The following ACTR3C variants were observed in gnomAD, a reference collection of about 807,000 sequenced individuals.
ACTR3C encodes the protein actin related protein 3C.
A neutral mutation model predicts 26.3 loss-of-function variants in ACTR3C; 18 were observed. The ratio of observed to expected loss-of-function variants is 0.68; its 90% CI spans 0.47 to 1.01. ACTR3C has a LOEUF of 1.01. Among genes scored for constraint, ACTR3C ranks in the 50% least tolerant of loss-of-function variants. The pLI is 0.00. For synonymous variants in ACTR3C, 55 were observed against 94.5 expected (o/e 0.58, Z 2.42); for missense variants, 184 against 250.7 (o/e 0.73, Z 1.80).
At chr7:150,107,048 G>A in the ACTR3C span, among the ~76,000 whole-genome samples, 1 of 144,918 alleles carries the variant, frequency 6.9e-6, no homozygotes, top group Non-Finnish European at 1.5e-5. Flanking sequence ...TGGTTGACCT[G>A]TTATCTACAC....
the ACTR3C span, among the ~76,000 whole-genome samples, chr7:150,236,135 T>C: frequency 6.6e-6 from 1 of 152,244 alleles, no homozygotes; most frequent in Admixed American, 6.5e-5. Flanking sequence ...TTAATGCAAC[T>C]AAAATGTTGC....
the ACTR3C span, among the ~76,000 whole-genome samples, chr7:149,961,237 A>AG: frequency 2.0e-5 from 3 of 151,708 alleles, no homozygotes; most frequent in Non-Finnish European, 2.9e-5. Context: ...GCACAGAGGA[A>AG]GGGGGGCTCA....
chr7:150,076,776 T>C, the ACTR3C span: 1 of 152,228 alleles, frequency 6.6e-6, no homozygotes, highest in Non-Finnish European at 1.5e-5. Context: ...CAGATACATC[T>C]TTCCTAACTA....
the ACTR3C span, among the ~76,000 whole-genome samples, chr7:150,191,300 T>A: frequency 3.7e-4 from 57 of 152,344 alleles, 1 homozygote; most frequent in South Asian, 4.1e-4. Flanking sequence ...ACATATAATG[T>A]TGGGGATAAT....
the ACTR3C span, among the ~76,000 whole-genome samples, chr7:150,035,489 GC>G: frequency 8.2e-6 from 1 of 122,590 alleles, no homozygotes; most frequent in Non-Finnish European, 1.8e-5. Flanking sequence ...ACAGCCAGGG[GC>G]GGAAGAGGGG....
At chr7:150,042,545 G>A in the ACTR3C span, among the ~76,000 whole-genome samples, 16 of 150,708 alleles carry the variant, frequency 1.1e-4, 1 homozygote, top group Non-Finnish European at 1.8e-4. Context: ...GCCAGGGGGG[G>A]AAGAGGGGTT....
chr7:150,247,766 C>G (rs1467083984), intron 7 of ACTR3C, 197 bp from the exon 8 acceptor site: 1 of 146,670 alleles, frequency 6.8e-6, no homozygotes, highest in African/African-American at 2.6e-5. Context: ...CGTGGGCCAT[C>G]TCTTGGGTGA....
chr7:149,942,213 TTTC>T, the ACTR3C span, among the ~76,000 whole-genome samples: 1 of 152,172 alleles, frequency 6.6e-6, no homozygotes, highest in East Asian at 1.9e-4. Flanking sequence ...TCTATGGCCA[TTTC>T]TTAGGAGATA....
At chr7:150,082,089 A>G in the ACTR3C span, among the ~76,000 whole-genome samples, 6 of 152,162 alleles carry the variant, frequency 3.9e-5, no homozygotes, top group Non-Finnish European at 7.3e-5. Context: ...CAACCACTCT[A>G]TTGAAAAGCC....
the ACTR3C span, among the ~76,000 whole-genome samples, chr7:150,006,365 T>TG: frequency 6.7e-6 from 1 of 149,062 alleles, no homozygotes; most frequent in Non-Finnish European, 1.5e-5. Flanking sequence ...CCTGGCTAAT[T>TG]TTTTTGTATT....
the ACTR3C span, among the ~76,000 whole-genome samples, chr7:150,069,490 C>T: frequency 1.3e-5 from 2 of 152,170 alleles, no homozygotes; most frequent in African/African-American, 2.4e-5. Flanking sequence ...TCATTAAACA[C>T]ACATCATCAT....
At chr7:150,041,753 G>C in the ACTR3C span, among the ~76,000 whole-genome samples, 311 of 122,958 alleles carry the variant, frequency 2.5e-3, 7 homozygotes, top group Middle Eastern at 4.1e-3. Context: ...AAGAGCCAGG[G>C]GGGGGAAGAG....
chr7:150,318,645 C>G (rs1409760127), intron 1 of ACTR3C, among the ~76,000 whole-genome samples: 1 of 152,160 alleles, frequency 6.6e-6, no homozygotes, highest in Non-Finnish European at 1.5e-5. Flanking sequence ...AGCTGTAGTT[C>G]CAGTTACTCG....
the ACTR3C span, among the ~76,000 whole-genome samples, chr7:149,885,009 G>GT: frequency 2.0e-5 from 3 of 152,040 alleles, no homozygotes; most frequent in Non-Finnish European, 4.4e-5. Context: ...AATTCTTTGG[G>GT]TTTTTTTGTG....
chr7:150,037,531 G>T, the ACTR3C span, among the ~76,000 whole-genome samples: 1 of 39,342 alleles, frequency 2.5e-5, no homozygotes, highest in African/African-American at 9.7e-5. Context: ...CCCCACCTTC[G>T]CGGGGGGTGC....
At chr7:150,024,446 G>A in the ACTR3C span, among the ~76,000 whole-genome samples, 1 of 148,314 alleles carries the variant, frequency 6.7e-6, no homozygotes, top group African/African-American at 2.5e-5. Context: ...CACGTGGGAA[G>A]AGCCATCACT....
chr7:149,920,483 G>C, the ACTR3C span, among the ~76,000 whole-genome samples: 2 of 151,056 alleles, frequency 1.3e-5, no homozygotes, highest in Non-Finnish European at 3.0e-5. Context: ...TTTCTTTTAG[G>C]GGGCAGGGGG....
At chr7:150,015,542 C>T in the ACTR3C span, among the ~76,000 whole-genome samples, 4 of 152,112 alleles carry the variant, frequency 2.6e-5, no homozygotes, top group Non-Finnish European at 5.9e-5. Context: ...AGACACGTTC[C>T]CTTTTACAAT....
At chr7:149,989,463 C>T in the ACTR3C span, among the ~76,000 whole-genome samples, 14 of 152,296 alleles carry the variant, frequency 9.2e-5, no homozygotes, top group East Asian at 1.9e-4. Flanking sequence ...CCCCAACCAT[C>T]CCTGAGCTAG....
Sources: allele counts gnomAD v4.1 joint callset (sites outside exome capture counted in the v4.1 genomes callset), GRCh38; gene constraint gnomAD v4.1.1; transcripts MANE v1.5; gene names NCBI Gene and HGNC (gene_info 2026-07-23, HGNC 2026-07-21).